ACSS2: variants seen among roughly 807,000 people sequenced by gnomAD.
The protein encoded by ACSS2 is acetyl-coenzyme A synthetase, cytoplasmic.
Under a neutral mutation model 90.6 loss-of-function variants are expected in ACSS2, and 58 were observed. That is an observed-to-expected ratio of 0.64 (90% CI 0.52 to 0.80). The LOEUF (loss-of-function observed/expected upper bound fraction) is 0.80. Ranked by LOEUF, ACSS2 falls within the 30% of genes least tolerant of loss-of-function variation. The pLI, the probability that ACSS2 is intolerant of heterozygous loss-of-function variation, is 0.00. For synonymous variants in ACSS2, 300 were observed against 330.9 expected, an observed-to-expected ratio of 0.91 and a Z score of 1.01; for missense variants, 759 against 912.0, an observed-to-expected ratio of 0.83 and a Z score of 2.16.
chr20:34,921,694 G>A, intron 12 of ACSS2, 92 bp from the exon 13 acceptor site: 1 of 1,599,154 alleles, frequency 6.3e-7, no homozygotes, highest in South Asian at 1.1e-5. Context: ...GGACTGACAT[G>A]TGTGAAGAAT....
At chr20:34,911,346 C>T (rs2080953283) in intron 2 of ACSS2, among the ~76,000 whole-genome samples, 1 of 151,994 alleles carries the variant, frequency 6.6e-6, no homozygotes, top group Admixed American at 6.6e-5. Context: ...CACTACCACA[C>T]CCAGCTGATT....
At position 34,919,496 on chromosome 20, in the gene ACSS2, A is replaced by T; in HGVS notation, c.896A>T (p.Glu299Val). Reference sequence around the variant, plus strand: ...GAGCTCATGCAAGAGGCAGGGGATGAGTGTGAGCCCGAGTGGTGTGATGCC... The same window carrying T: ...GAGCTCATGCAAGAGGCAGGGGATGTGTGTGAGCCCGAGTGGTGTGATGCC... The part of the protein sequence containing the change: ...WHELMQEAGD[E>V]CEPEWCDAED... The change falls in exon 8 of 18, where the codon GAG (glutamate) becomes GTG (valine). Residue 299 changes from glutamate to valine, a missense_variant. Coordinates refer to ENST00000360596, the MANE Select transcript of ACSS2 (RefSeq NM_018677.4). The T allele has an allele frequency of 1.2e-6, 2 of 1,612,088 alleles. No individual in the cohort carries two copies. The highest frequency in any genetic ancestry group is 1.7e-6 in the Non-Finnish European group (2 of 1,179,874).
intron 2 of ACSS2, among the ~76,000 whole-genome samples, chr20:34,898,825 G>A (rs549174916): frequency 1.6e-4 from 24 of 152,194 alleles, no homozygotes; most frequent in Non-Finnish European, 2.2e-4. Context: ...TTGGGTGGCC[G>A]ATGGGACTGG....
At chr20:34,877,018 T>A (rs1028702901) in intron 1 of ACSS2, among the ~76,000 whole-genome samples, 195 bp downstream of exon 1, 1 of 152,018 alleles carries the variant, frequency 6.6e-6, no homozygotes, top group African/African-American at 2.4e-5. Flanking sequence ...GCTGGGGAGT[T>A]CCCTGCAGAC....
intron 14 of ACSS2, among the ~76,000 whole-genome samples, chr20:34,923,817 C>A (rs932440712): frequency 1.3e-5 from 2 of 148,250 alleles, no homozygotes; most frequent in Non-Finnish European, 3.0e-5. Flanking sequence ...CCGCCCCCCC[C>A]ACCTCCCCGG....
At chr20:34,882,622 CAA>C (rs937691165) in intron 1 of ACSS2, among the ~76,000 whole-genome samples, 170 bp from the exon 2 acceptor site, 1 of 141,854 alleles carries the variant, frequency 7.0e-6, no homozygotes, top group African/African-American at 2.6e-5. Flanking sequence ...CCTCCATCTC[CAA>C]AAAAAAAAAA....
intron 14 of ACSS2, 23 bp from the exon 15 acceptor site, chr20:34,925,675 T>G (rs1210343146): frequency 6.2e-7 from 1 of 1,608,012 alleles, no homozygotes; most frequent in African/African-American, 1.3e-5. Flanking sequence ...TTTTTATTTA[T>G]TAGGTTTTGC....
chr20:34,921,262 A>G, intron 10 of ACSS2, 68 bp from the exon 11 acceptor site: 4 of 1,608,006 alleles, frequency 2.5e-6, no homozygotes, highest in Non-Finnish European at 3.4e-6. Context: ...GGGGCAAGAG[A>G]AAAGCCTGGG....
Position 34,920,987 on chromosome 20 carries a change from A to T in ACSS2, c.1144-19A>T, listed in dbSNP as rs752357625. 4 of 1,613,886 alleles carry T rather than the reference A, an allele frequency of 2.5e-6. No homozygotes were observed. The highest frequency in any genetic ancestry group is 3.4e-6 in the Non-Finnish European group (4 of 1,179,950). On this transcript the variant is annotated intron_variant, in intron 9 of 17. Coordinates refer to ENST00000360596, the MANE Select transcript of ACSS2 (RefSeq NM_018677.4). Reference sequence around the variant, plus strand: ...GGACTATTAGGAAAGACTGGGAATGACCAGCCTTCATGGGTCAGTTTGAGG... The same window carrying T: ...GGACTATTAGGAAAGACTGGGAATGTCCAGCCTTCATGGGTCAGTTTGAGG...
At chr20:34,875,181 G>A (rs2079880290), upstream of ACSS2, 3 of 534,420 alleles carry the variant, frequency 5.6e-6, no homozygotes, top group Non-Finnish European at 1.2e-5. Flanking sequence ...TTCTGGGGTG[G>A]AGGGGCTAGA....
intron 7 of ACSS2, among the ~76,000 whole-genome samples, chr20:34,919,028 A>G (rs1011442932): frequency 6.6e-6 from 1 of 152,220 alleles, no homozygotes; most frequent in African/African-American, 2.4e-5. Flanking sequence ...ATAACAGGAA[A>G]TATGTACTGT....
rs564790971 is a variant in ACSS2 at position 34,889,703 on chromosome 20, T to C, written c.374+6714T>C. Among the ~76,000 whole-genome samples, 3 of 152,238 alleles carry C rather than the reference T, an allele frequency of 2.0e-5. No individual in the cohort carries two copies. The East Asian group carries it at 5.8e-4, about 29-fold the overall frequency. ...CTATTGTAGAAATCCAGGTGATAGA[T>C]TGTGGTGATTTAGACCATAGTAGTA... On this transcript the variant is annotated intron_variant, in intron 2 of 17. Coordinates refer to ENST00000360596, the MANE Select transcript of ACSS2 (RefSeq NM_018677.4).
chr20:34,915,084 C>T, intron 7 of ACSS2: 1 of 923,060 alleles, frequency 1.1e-6, no homozygotes, highest in African/African-American at 1.6e-5. Flanking sequence ...GGGCTGGAAT[C>T]AGGATCAGGA....
intron 2 of ACSS2, among the ~76,000 whole-genome samples, chr20:34,883,252 C>A (rs1039307067): frequency 3.3e-5 from 5 of 152,132 alleles, no homozygotes; most frequent in African/African-American, 1.2e-4. Flanking sequence ...TGGAAGAGAA[C>A]AAGACTGAGT....
At position 34,927,693 on chromosome 20, in the gene ACSS2, T is replaced by TG. The variant is rs2081347587; in HGVS notation, c.*480dup. 5.9e-6 allele frequency: 1 copy of TG among 170,188 alleles called. No homozygotes were observed. The highest frequency in any genetic ancestry group is 1.3e-5 in the Non-Finnish European group (1 of 77,444). 10.5% of individuals were successfully genotyped at this position (170,188 alleles called of 1,614,324 possible). A position where few individuals can be genotyped will look rare whatever the true frequency, so the allele number is the denominator to read the frequency against. On this transcript the variant is annotated 3_prime_UTR_variant, in exon 18 of 18. Coordinates refer to ENST00000360596, the MANE Select transcript of ACSS2 (RefSeq NM_018677.4). This position sits in a 1 kb window ranked among gnomAD's most constrained non-coding sequence, Gnocchi z 4.2. ...TGTTCTGGGTCTGAATTCCCTTTTGTGCCAGATGCCAGTACTGTCTGCCCA... is the reference window on the plus strand; with the variant it reads ...TGTTCTGGGTCTGAATTCCCTTTTGTGGCCAGATGCCAGTACTGTCTGCCCA...
chr20:34,902,891 ATTT>A (rs34171408), intron 2 of ACSS2, among the ~76,000 whole-genome samples: 3 of 115,306 alleles, frequency 2.6e-5, no homozygotes, highest in Admixed American at 9.1e-5. Context: ...ACACCTGGCT[ATTT>A]TTTTTTTTTT....
chr20:34,899,246 C>T (rs1242893559), intron 2 of ACSS2, among the ~76,000 whole-genome samples: 1 of 152,208 alleles, frequency 6.6e-6, no homozygotes, highest in Non-Finnish European at 1.5e-5. Context: ...CAGAAAGGGG[C>T]TCCCACAGTG....
intron 2 of ACSS2, among the ~76,000 whole-genome samples, chr20:34,884,293 G>T (rs1246825298): frequency 6.6e-6 from 1 of 152,146 alleles, no homozygotes; most frequent in Admixed American, 6.5e-5. Flanking sequence ...GGAGCAGCTT[G>T]GATGCTTCAT....
In ACSS2 at chr20:34,876,617, G is replaced by A; in HGVS notation, c.-29G>A. The A allele has an allele frequency of 1.5e-6, 2 of 1,300,742 alleles. No individual in the cohort carries two copies. Among genetic ancestry groups the A allele is most frequent in the Non-Finnish European group, 2.0e-6 (2 of 1,017,906 alleles). The allele number at this position is 1,300,742 out of a possible 1,614,324, so 80.6% of individuals were successfully genotyped here. ...TCCCGGCACCCGCCGCGACCGCAAA[G>A]GCGGCCGCGGTTCTAGGAACTTGAC... On this transcript the variant is annotated 5_prime_UTR_variant, in exon 1 of 18. Transcript: ENST00000360596.
Sources: gnomAD v4.1 joint callset for allele counts (sites outside exome capture counted in the v4.1 genomes callset) on GRCh38, gnomAD v4.1.1 for gene constraint, Gnocchi (gnomAD v3.1) non-coding constraint, MANE v1.5 for transcripts, NCBI Gene and HGNC (gene_info 2026-07-23, HGNC 2026-07-21) for gene names.